The following ZFYVE9 variants were observed in gnomAD, a reference collection of about 807,000 sequenced individuals.
The protein encoded by ZFYVE9 is zinc finger FYVE domain-containing protein 9.
In ZFYVE9, 43 loss-of-function variants were observed where a neutral mutation model predicts 126.7. That is an observed-to-expected ratio of 0.34 (90% CI 0.27 to 0.44). The LOEUF is 0.44. Among genes scored for constraint, ZFYVE9 ranks in the 20% least tolerant of loss-of-function variants. The probability of loss-of-function intolerance (pLI) is 1.00; values close to 1 mark genes in which losing one functional copy is unlikely to be tolerated. For synonymous variants in ZFYVE9, 521 were observed against 597.4 expected (o/e 0.87, Z 1.87); for missense variants, 1,476 against 1,697.0 (o/e 0.87, Z 2.29).
chr1:52,270,549 C>T (rs559139389), intron 7 of ZFYVE9, among the ~76,000 whole-genome samples: 1 of 152,268 alleles, frequency 6.6e-6, no homozygotes, highest in African/African-American at 2.4e-5. Context: ...CAGGCGTAAG[C>T]CACCGCGCCT....
At chr1:52,235,800 T>C (rs1290157075) in intron 3 of ZFYVE9, among the ~76,000 whole-genome samples, 1 of 152,160 alleles carries the variant, frequency 6.6e-6, no homozygotes, top group Non-Finnish European at 1.5e-5. Context: ...CTTGCCTTCA[T>C]GAATTCAAGC....
rs913149043 is a variant in ZFYVE9 at position 52,334,720 on chromosome 1, G to A, written c.3622G>A (p.Ala1208Thr). 4.3e-6 allele frequency: 7 copies of A among 1,613,726 alleles called. No homozygotes were observed. Among genetic ancestry groups the A allele is most frequent in the South Asian group, 2.2e-5 (2 of 91,078 alleles). ...TGCCAGTTTCTTTGTGTTCAGTGGC[G>A]CTCTGAAATCCTCTTCTGGATACCT... Reference protein sequence around the residue: ...TGASFFVFSGALKSSSGYLAK... With the variant: ...TGASFFVFSGTLKSSSGYLAK... The change falls in exon 15 of 19, where the codon GCT (alanine) becomes ACT (threonine). Residue 1208 changes from alanine to threonine, a missense_variant. Physicochemically the swap from Ala to Thr is moderately conservative, Grantham distance 58. Around this residue, in one of 2 missense-constraint regions of ZFYVE9, gnomAD observed 669 missense variants for 902.4 expected, o/e 0.74. Transcript: ENST00000287727.
chr1:52,262,504 G>A (rs1645589139), intron 4 of ZFYVE9, among the ~76,000 whole-genome samples: 1 of 152,034 alleles, frequency 6.6e-6, no homozygotes, highest in Non-Finnish European at 1.5e-5. Context: ...CTGTATCACA[G>A]GGATATCTCC....
At chr1:52,273,984 T>C (rs1455685905) in intron 7 of ZFYVE9, among the ~76,000 whole-genome samples, 2 of 152,162 alleles carry the variant, frequency 1.3e-5, no homozygotes, top group Non-Finnish European at 2.9e-5. Context: ...AGTGAATTCA[T>C]TGGCATCAAG....
At chr1:52,324,418 C>A (rs1471502427) in intron 13 of ZFYVE9, among the ~76,000 whole-genome samples, 1 of 152,198 alleles carries the variant, frequency 6.6e-6, no homozygotes, top group Non-Finnish European at 1.5e-5. Context: ...TTACATTTTT[C>A]TTAAAATTAC....
intron 7 of ZFYVE9, among the ~76,000 whole-genome samples, chr1:52,269,269 A>C (rs1341798379): frequency 2.6e-5 from 4 of 152,024 alleles, no homozygotes; most frequent in African/African-American, 9.7e-5. Flanking sequence ...AGGTGGGATT[A>C]CAGGCGCCTG....
intron 3 of ZFYVE9, among the ~76,000 whole-genome samples, chr1:52,233,932 C>T (rs1352598543): frequency 6.6e-6 from 1 of 152,132 alleles, no homozygotes; most frequent in South Asian, 2.1e-4. Flanking sequence ...ATACACCCGC[C>T]ACCATGCCTG....
intron 4 of ZFYVE9, among the ~76,000 whole-genome samples, chr1:52,256,102 G>C (rs1190835190): frequency 1.4e-5 from 2 of 146,636 alleles, no homozygotes; most frequent in East Asian, 4.0e-4. Context: ...GTCTCGCTCT[G>C]TCTTCCAGGC....
In ZFYVE9 at chr1:52,340,139, A is replaced by G; in HGVS notation, c.3847A>G (p.Ile1283Val). The change falls in exon 17 of 19, where the codon ATA (isoleucine) becomes GTA (valine). Residue 1283 changes from isoleucine (I) to valine (V), a missense_variant. This residue lies in a region of ZFYVE9 where 669 missense variants were observed against 902.4 expected (regional missense o/e 0.74). Transcript: ENST00000287727. The stretch of plus-strand genomic sequence containing the variant: ...CCTCTATTTTAGTGTCGTAAGTCCT[A>G]TAGATGGGAAGTCCATGGAGACTAT... ...KNVSKGVVSP[I>V]DGKSMETITN... 6.2e-7 allele frequency: 1 copy of G among 1,613,482 alleles called. No individual in the cohort carries two copies. The highest frequency in any genetic ancestry group is 8.5e-7 in the Non-Finnish European group (1 of 1,179,496).
At chr1:52,172,037 GCCATTGCT>G (rs993810716) in intron 1 of ZFYVE9, among the ~76,000 whole-genome samples, 2 of 151,974 alleles carry the variant, frequency 1.3e-5, no homozygotes, top group African/African-American at 4.8e-5. Context: ...GGCTTTTGTT[GCCATTGCT>G]TTTGGTGTTT....
At chr1:52,184,770 A>G (rs1279785920) in intron 1 of ZFYVE9, among the ~76,000 whole-genome samples, 1 of 152,062 alleles carries the variant, frequency 6.6e-6, no homozygotes, top group Non-Finnish European at 1.5e-5. Context: ...GTGACCTATA[A>G]TCCCAGATGC....
At position 52,232,364 on chromosome 1, in the gene ZFYVE9, C is replaced by T. The variant is rs186191413; in HGVS notation, c.-36-807C>T. ...TCATTGACATACCTAGTGTATATGC[C>T]CAAGGATGCTTTTGGATCGATTAAC... On this transcript the variant is annotated intron_variant, in intron 2 of 18. Coordinates refer to ENST00000287727, the MANE Select transcript of ZFYVE9 (RefSeq NM_004799.4). 5.5e-4 allele frequency among the ~76,000 whole-genome samples: 84 copies of T among 152,122 alleles called. 1 individual carries two copies. The highest frequency in any genetic ancestry group is 1.1e-3 in the Non-Finnish European group (73 of 67,986).
At chr1:52,222,798 C>T (rs111363081) in intron 2 of ZFYVE9, among the ~76,000 whole-genome samples, 7 of 152,280 alleles carry the variant, frequency 4.6e-5, no homozygotes, top group African/African-American at 1.7e-4. Context: ...GAAGTGGTGA[C>T]CAGGTTTAAG....
chr1:52,183,175 T>C (rs1232935893), intron 1 of ZFYVE9, among the ~76,000 whole-genome samples: 3 of 152,166 alleles, frequency 2.0e-5, no homozygotes, highest in South Asian at 4.1e-4. Context: ...TCAAAAGATG[T>C]TGAGGATGTT....
intron 5 of ZFYVE9, 134 bp from the exon 6 acceptor site, chr1:52,266,521 C>T: frequency 3.2e-6 from 2 of 634,772 alleles, no homozygotes; most frequent in Non-Finnish European, 4.8e-6. Context: ...CTCTTTAATA[C>T]CTTCACTAGG....
intron 2 of ZFYVE9, among the ~76,000 whole-genome samples, chr1:52,222,765 C>T (rs572175080): frequency 6.6e-5 from 10 of 152,180 alleles, no homozygotes; most frequent in Non-Finnish European, 1.0e-4. Flanking sequence ...GACCATATGT[C>T]GGGATGGATT....
At chr1:52,256,481 A>G (rs572185464) in intron 4 of ZFYVE9, among the ~76,000 whole-genome samples, 1 of 150,898 alleles carries the variant, frequency 6.6e-6, no homozygotes, top group South Asian at 2.1e-4. Context: ...GGTTTAAGCA[A>G]TTTTCCTTGC....
At chr1:52,317,714 G>A (rs1026958211) in intron 13 of ZFYVE9, among the ~76,000 whole-genome samples, 4 of 152,012 alleles carry the variant, frequency 2.6e-5, no homozygotes, top group African/African-American at 7.2e-5. Context: ...GATTAGATAG[G>A]GAAAGCACAA....
chr1:52,230,697 T>C (rs1645213196), intron 2 of ZFYVE9, among the ~76,000 whole-genome samples: 1 of 152,024 alleles, frequency 6.6e-6, no homozygotes, highest in Non-Finnish European at 1.5e-5. Context: ...TCACCTTTTC[T>C]GGGGGTTCAC....
Sources: gnomAD v4.1 joint callset for allele counts (sites outside exome capture counted in the v4.1 genomes callset) on GRCh38, gnomAD v4.1.1 for gene constraint, gnomAD v4.1.1 regional missense constraint, MANE v1.5 for transcripts, NCBI Gene and HGNC (gene_info 2026-07-23, HGNC 2026-07-21) for gene names.